GDAP1: variants seen among roughly 807,000 people sequenced by gnomAD.
The protein encoded by GDAP1 is ganglioside-induced differentiation-associated protein 1.
Under a neutral mutation model 40.1 loss-of-function variants are expected in GDAP1, and 34 were observed. The ratio of observed to expected loss-of-function variants is 0.85; its 90% CI spans 0.64 to 1.13. GDAP1 has a LOEUF of 1.13. Ranked by LOEUF, GDAP1 falls within the 50% of genes most tolerant of loss-of-function variation. GDAP1 has a pLI of 0.00. For synonymous variants in GDAP1, 170 were observed against 157.4 expected (o/e 1.08, Z -0.60); for missense variants, 374 against 433.7 (o/e 0.86, Z 1.22).
At chr8:74,362,588 C>G (rs1389819928) in intron 4 of GDAP1, among the ~76,000 whole-genome samples, 2 of 152,134 alleles carry the variant, frequency 1.3e-5, no homozygotes, top group Non-Finnish European at 2.9e-5. Flanking sequence ...CATCCCTGAC[C>G]CTTCAGCTAC....
chr8:74,398,746 T>G (rs909621101), intron 2 of GDAP1, among the ~76,000 whole-genome samples: 2 of 151,906 alleles, frequency 1.3e-5, no homozygotes, highest in Non-Finnish European at 2.9e-5. Context: ...TTATTGAGAG[T>G]TTTTAGCATG....
At chr8:74,416,576 A>G (rs1435519789) in intron 2 of GDAP1, among the ~76,000 whole-genome samples, 1 of 150,192 alleles carries the variant, frequency 6.7e-6, no homozygotes, top group Non-Finnish European at 1.5e-5. Flanking sequence ...CAGTGCACTA[A>G]GGCTATTTAT....
chr8:74,388,664 A>C (rs1052659809), intron 2 of GDAP1, among the ~76,000 whole-genome samples: 1 of 152,142 alleles, frequency 6.6e-6, no homozygotes, highest in African/African-American at 2.4e-5. Context: ...TGTTGATTTG[A>C]GGTGGAGAGT....
chr8:74,436,272 C>G (rs371664292), intron 2 of GDAP1, among the ~76,000 whole-genome samples: 2 of 152,112 alleles, frequency 1.3e-5, no homozygotes, highest in East Asian at 3.9e-4. Context: ...ATGCTGTATC[C>G]TAGGAGTTAT....
chr8:74,415,463 A>T (rs1402746257), intron 2 of GDAP1, among the ~76,000 whole-genome samples: 1 of 150,076 alleles, frequency 6.7e-6, no homozygotes, highest in Non-Finnish European at 1.5e-5. Flanking sequence ...GCTTAACAGG[A>T]CAACTGAAAG....
intron 2 of GDAP1, among the ~76,000 whole-genome samples, chr8:74,486,031 G>C (rs1806772040): frequency 6.6e-6 from 1 of 152,144 alleles, no homozygotes; most frequent in Non-Finnish European, 1.5e-5. Context: ...GCCTCCTTGA[G>C]AGAATTCCAC....
chr8:74,391,750 G>A (rs1810113290), intron 2 of GDAP1, among the ~76,000 whole-genome samples: 1 of 151,914 alleles, frequency 6.6e-6, no homozygotes, highest in East Asian at 1.9e-4. Context: ...AAGAATATTA[G>A]GACATAGCAA....
At chr8:74,467,266 C>T (rs900149793) in intron 2 of GDAP1, among the ~76,000 whole-genome samples, 4 of 152,050 alleles carry the variant, frequency 2.6e-5, no homozygotes, top group East Asian at 1.9e-4. Flanking sequence ...ATATCATTGG[C>T]GAGCATCATT....
At chr8:74,361,089 T>G (rs1191850184) in intron 3 of GDAP1, among the ~76,000 whole-genome samples, 4 of 152,134 alleles carry the variant, frequency 2.6e-5, no homozygotes, top group Admixed American at 2.0e-4. Context: ...CTTTTCTCCC[T>G]TCTCTTCCTT....
At chr8:74,475,577 A>G (rs1806618680) in intron 2 of GDAP1, among the ~76,000 whole-genome samples, 1 of 152,086 alleles carries the variant, frequency 6.6e-6, no homozygotes, top group African/African-American at 2.4e-5. Flanking sequence ...TTAAATTTCC[A>G]TGTAATTGTA....
intron 2 of GDAP1, among the ~76,000 whole-genome samples, chr8:74,477,452 TC>T (rs1232051830): frequency 1.3e-5 from 2 of 151,156 alleles, no homozygotes; most frequent in African/African-American, 4.9e-5. Flanking sequence ...GAAGTTGCTG[TC>T]CTTTGGATGG....
intron 2 of GDAP1, among the ~76,000 whole-genome samples, chr8:74,455,194 C>T (rs1439843238): frequency 6.6e-6 from 1 of 151,932 alleles, no homozygotes; most frequent in African/African-American, 2.4e-5. Context: ...TATTTGTAAT[C>T]ACTTTTCTTT....
rs1809452126 is a variant in GDAP1, at chr8:74,363,048, C to G, written c.689C>G (p.Thr230Ser). 2 of 1,363,288 alleles carry G rather than the reference C, an allele frequency of 1.5e-6. No homozygotes were observed. The highest frequency in any genetic ancestry group is 2.1e-6 in the Non-Finnish European group (2 of 951,320). 84.4% of individuals were successfully genotyped at this position (1,363,288 alleles called of 1,614,324 possible). A position where few individuals can be genotyped will look rare whatever the true frequency, so the allele number is the denominator to read the frequency against. ...GAATTGCAAAGAAGAAATGAAGAAA[C>G]CCCAGGTAGGTTCTCATTTATATTC... ...ETELQRRNEE[T>S]PEEGQQPWLC... Residue 230 changes from threonine to serine, a missense_variant, in exon 5 of 6, where the codon ACC becomes AGC. Transcript: ENST00000220822.
At position 74,402,575 on chromosome 8, in the gene GDAP1, C is replaced by T. The variant is rs183404918; in HGVS notation, c.165+51254C>T. On this transcript the variant is annotated intron_variant, in intron 2 of 2. Coordinates refer to the GDAP1 transcript ENST00000523640. ...CGCTGCACCCACTGTCCTGCGCCCA[C>T]TTCTGGCACTCCCTAGTGAGATGAA... Among the ~76,000 whole-genome samples, 919 of 150,300 alleles carry T rather than the reference C, an allele frequency of 6.1e-3. 96 individuals carry two copies. Among genetic ancestry groups the T allele is most frequent in the African/African-American group, 0.022 (857 of 39,578 alleles).
Position 74,360,150 on chromosome 8 carries a change from G to C in GDAP1, c.324G>C (p.Arg108Ser). ...EQTFLDERTP[R>S]LMPDKESMYY... is the part of the protein sequence containing the mutation. The stretch of plus-strand genomic sequence containing the variant: ...TGTGTATTTTAGAAAGAACACCCAG[G>C]TTAATGCCTGATAAAGAAAGCATGT... Residue 108 changes from arginine to serine, a missense_variant, in exon 3 of 6, where the codon AGG becomes AGC. Coordinates refer to ENST00000220822, the MANE Select transcript of GDAP1 (RefSeq NM_018972.4). 1 of 1,612,858 alleles carries C rather than the reference G, an allele frequency of 6.2e-7. No homozygotes were observed. Among genetic ancestry groups the C allele is most frequent in the East Asian group, 2.2e-5 (1 of 44,876 alleles).
intron 2 of GDAP1, among the ~76,000 whole-genome samples, chr8:74,400,502 A>G (rs1053949813): frequency 4.0e-5 from 6 of 149,744 alleles, no homozygotes; most frequent in African/African-American, 1.0e-4. Context: ...TTGACTCTTT[A>G]TCCAGTTTGC....
rs1806552598 is a variant in GDAP1 at position 74,471,399 on chromosome 8, ATTTAAT to A, written c.166-17275_166-17270del. ...GTTTATTTTACTTAAAAGATTATTT[ATTTAAT>A]TTTTACAATTTTTCTGTTTTCTAAA... is the stretch of plus-strand genomic sequence containing the variant. On this transcript the variant is annotated intron_variant, in intron 2 of 2. Transcript: ENST00000523640. Among the ~76,000 whole-genome samples, 7 of 151,770 alleles carry A rather than the reference ATTTAAT, an allele frequency of 4.6e-5. No individual in the cohort carries two copies. The South Asian group carries it at 1.5e-3, about 32-fold the overall frequency.
intron 2 of GDAP1, among the ~76,000 whole-genome samples, chr8:74,382,591 T>C (rs1320154167): frequency 6.6e-6 from 1 of 152,132 alleles, no homozygotes; most frequent in African/African-American, 2.4e-5. Context: ...ATCCTTTTTT[T>C]CATTGGCAAA....
intron 2 of GDAP1, among the ~76,000 whole-genome samples, chr8:74,471,639 C>T (rs759063516): frequency 4.6e-5 from 7 of 152,068 alleles, no homozygotes; most frequent in Non-Finnish European, 8.8e-5. Flanking sequence ...ATCAGGATGA[C>T]ATTTAATTTT....
Sources: allele counts gnomAD v4.1 joint callset (sites outside exome capture counted in the v4.1 genomes callset), GRCh38; gene constraint gnomAD v4.1.1; transcripts MANE v1.5; gene names NCBI Gene and HGNC (gene_info 2026-07-23, HGNC 2026-07-21).